The following CADPS variants were observed in gnomAD, a reference collection of about 807,000 sequenced individuals.
The protein encoded by CADPS is calcium-dependent secretion activator 1.
In CADPS, 57 loss-of-function variants were observed where a neutral mutation model predicts 167.3. The ratio of observed to expected loss-of-function variants is 0.34; its 90% confidence interval spans 0.28 to 0.42. The LOEUF (loss-of-function observed/expected upper bound fraction) is 0.42, where lower values mean the gene tolerates loss of function less well. CADPS is among the 20% of genes least tolerant of loss of function. The probability of loss-of-function intolerance (pLI) is 1.00; values close to 1 mark genes in which losing one functional copy is unlikely to be tolerated. For synonymous variants in CADPS, 676 were observed against 635.3 expected (o/e 1.06, Z -0.96); for missense variants, 1,414 against 1,738.1 (o/e 0.81, Z 3.32).
intron 13 of CADPS, among the ~76,000 whole-genome samples, chr3:62,530,432 C>T (rs1382384678): frequency 2.0e-5 from 3 of 152,238 alleles, no homozygotes; most frequent in East Asian, 1.9e-4. Flanking sequence ...AATATGAACA[C>T]GTTTTAAAAG....
At chr3:62,552,955 C>T (rs1054361864) in intron 10 of CADPS, among the ~76,000 whole-genome samples, 2 of 151,846 alleles carry the variant, frequency 1.3e-5, no homozygotes, top group Non-Finnish European at 2.9e-5. Flanking sequence ...ATGAATAGCA[C>T]AATAAAAAGG....
chr3:62,680,656 C>T (rs779238422), intron 3 of CADPS, among the ~76,000 whole-genome samples: 23 of 151,976 alleles, frequency 1.5e-4, no homozygotes, highest in Non-Finnish European at 2.5e-4. Flanking sequence ...CTCTATCTTC[C>T]GCTGCCGCAG....
At chr3:62,599,774 T>TATTATA (rs1553968916) in intron 6 of CADPS, among the ~76,000 whole-genome samples, 1 of 2,114 alleles carries the variant, frequency 4.7e-4, no homozygotes, top group Non-Finnish European at 1.4e-3. Flanking sequence ...ATATATAATA[T>TATTATA]ATATATTATA....
intron 4 of CADPS, among the ~76,000 whole-genome samples, chr3:62,653,426 C>G (rs2070743338): frequency 6.6e-6 from 1 of 152,158 alleles, no homozygotes; most frequent in South Asian, 2.1e-4. Context: ...AACTTCCCAG[C>G]CTCCAGAACT....
At chr3:62,726,643 C>T (rs941999867) in intron 3 of CADPS, among the ~76,000 whole-genome samples, 2 of 151,858 alleles carry the variant, frequency 1.3e-5, no homozygotes, top group East Asian at 1.9e-4. Flanking sequence ...AGGGGATATG[C>T]GATAGCTTTG....
At chr3:62,716,353 C>A (rs999066431) in intron 3 of CADPS, among the ~76,000 whole-genome samples, 3 of 152,102 alleles carry the variant, frequency 2.0e-5, no homozygotes, top group African/African-American at 7.2e-5. Flanking sequence ...TGTGCCTGGC[C>A]TATGATAATA....
In CADPS at chr3:62,514,574, C is replaced by T. The variant is rs2068557705; in HGVS notation, c.2581+1485G>A. Among the ~76,000 whole-genome samples the T allele has an allele frequency of 6.6e-6, 1 of 152,110 alleles. No homozygotes were observed. Among genetic ancestry groups the T allele is most frequent in the South Asian group, 2.1e-4 (1 of 4,832 alleles). ...TTGAGGCACAAAAGGAAATTACAGACCAGCTGATCTACTTTGGAAATGAAT... is the reference window on the plus strand; with the variant it reads ...TTGAGGCACAAAAGGAAATTACAGATCAGCTGATCTACTTTGGAAATGAAT... On this transcript the variant is annotated intron_variant, in intron 16 of 29. Transcript: ENST00000383710. This position sits in a 1 kb window ranked among gnomAD's most constrained non-coding sequence, Gnocchi z 4.2.
chr3:62,549,447 G>GT (rs3074235), intron 11 of CADPS, among the ~76,000 whole-genome samples: 82,379 of 129,096 alleles, frequency 0.64, 27,364 homozygotes, highest in South Asian at 0.74. Context: ...CATGTTTTGT[G>GT]TTTTTTTTTT....
intron 17 of CADPS, 139 bp from the exon 18 acceptor site, chr3:62,499,407 TTAG>T (rs970301459): frequency 1.7e-6 from 1 of 603,438 alleles, no homozygotes; most frequent in Non-Finnish European, 3.0e-6. Context: ...TGCCATGTAA[TTAG>T]TAGTGAGCAA....
chr3:62,563,335 T>C (rs2079519119), intron 9 of CADPS, among the ~76,000 whole-genome samples: 1 of 152,232 alleles, frequency 6.6e-6, no homozygotes, highest in Non-Finnish European at 1.5e-5. Flanking sequence ...TTTAATATTG[T>C]ATTCCCAGGT....
chr3:62,516,144 C>G lies in CADPS; in HGVS notation c.2496G>C (p.Glu832Asp), dbSNP rs751324960. 3.7e-5 allele frequency: 60 copies of G among 1,613,144 alleles called. No individual in the cohort carries two copies. The highest frequency in any genetic ancestry group is 4.9e-5 in the Non-Finnish European group (58 of 1,179,380). Residue 832 changes from glutamate (E) to aspartate (D), a missense_variant, in exon 16 of 30, where the codon GAG becomes GAC. By Grantham distance (45) the Glu-to-Asp change is conservative. This residue lies in a region of CADPS where 529 missense variants were observed against 629.6 expected (regional missense o/e 0.84). Coordinates refer to ENST00000383710, the MANE Select transcript of CADPS (RefSeq NM_003716.4). ...ATTTACGGATAACTGTTTTTACCTC[C>G]TCTTGTGGCACTGGGGTAACAATAT... is the stretch of plus-strand genomic sequence containing the variant. ...MKDIVTPVPQ[E>D]EVKTVIRKCL...
Position 62,438,273 on chromosome 3 carries a change from A to G in CADPS, c.3670-62T>C. On this transcript the variant is annotated intron_variant, in intron 27 of 29. Transcript: ENST00000383710. This position sits in a 1 kb window ranked among gnomAD's most constrained non-coding sequence, Gnocchi z 4.7. ...AGACAGCCACTCTTCCTTGTTTACC[A>G]TTCACTTGTACCCTCTACTTGCCCT... is the stretch of plus-strand genomic sequence containing the variant. 1.6e-6 allele frequency: 2 copies of G among 1,228,104 alleles called. No individual in the cohort carries two copies. Among genetic ancestry groups the G allele is most frequent in the Non-Finnish European group, 2.4e-6 (2 of 833,784 alleles). The allele number at this position is 1,228,104 out of a possible 1,614,324, so 76.1% of individuals were successfully genotyped here. A position where few individuals can be genotyped will look rare whatever the true frequency, so the allele number is the denominator to read the frequency against.
intron 21 of CADPS, among the ~76,000 whole-genome samples, 175 bp downstream of exon 21, chr3:62,491,164 C>T (rs897822682): frequency 2.0e-5 from 3 of 152,150 alleles, no homozygotes; most frequent in East Asian, 1.9e-4. Flanking sequence ...CCTCCATCCC[C>T]GACCCTCCTG....
At chr3:62,717,120 C>G (rs184639199) in intron 3 of CADPS, among the ~76,000 whole-genome samples, 1 of 152,254 alleles carries the variant, frequency 6.6e-6, no homozygotes, top group Admixed American at 6.5e-5. Flanking sequence ...CCATATCATT[C>G]ACCTCTCACT....
intron 26 of CADPS, among the ~76,000 whole-genome samples, chr3:62,461,107 A>G (rs1413649511): frequency 6.6e-6 from 1 of 151,850 alleles, no homozygotes; most frequent in Non-Finnish European, 1.5e-5. Context: ...AGCTGGGGGG[A>G]GCTTAACCTT....
intron 3 of CADPS, among the ~76,000 whole-genome samples, chr3:62,708,916 A>C (rs999482703): frequency 7.2e-5 from 11 of 152,132 alleles, no homozygotes; most frequent in African/African-American, 2.7e-4. Flanking sequence ...CACAGAACAC[A>C]ATTAGCTACT....
chr3:62,788,087 C>G (rs1040304462), intron 1 of CADPS, among the ~76,000 whole-genome samples: 1 of 152,184 alleles, frequency 6.6e-6, no homozygotes, highest in Non-Finnish European at 1.5e-5. Flanking sequence ...AGCTGCTCAA[C>G]TAGGTCAGAT....
At chr3:62,466,482 T>C in intron 24 of CADPS, 69 bp from the exon 25 acceptor site, 1 of 967,500 alleles carries the variant, frequency 1.0e-6, no homozygotes, top group Non-Finnish European at 1.6e-6. Context: ...CAGTAATTTT[T>C]AGACAACTTA....
intron 27 of CADPS, chr3:62,439,794 C>G (rs974190920): frequency 6.6e-6 from 1 of 152,070 alleles, no homozygotes; most frequent in Admixed American, 6.5e-5. Flanking sequence ...AAGTCAAGTG[C>G]GGCAGATCTA....
Sources: gnomAD v4.1 joint callset for allele counts (sites outside exome capture counted in the v4.1 genomes callset) on GRCh38, gnomAD v4.1.1 for gene constraint, gnomAD v4.1.1 regional missense constraint, Gnocchi (gnomAD v3.1) non-coding constraint, MANE v1.5 for transcripts, NCBI Gene and HGNC (gene_info 2026-07-23, HGNC 2026-07-21) for gene names.